Variants in ASPH observed in about 807,000 individuals in gnomAD.
ASPH encodes aspartyl/asparaginyl beta-hydroxylase.
ASPH carries 100 observed loss-of-function variants against 118.4 expected under a neutral mutation model. That is an observed-to-expected ratio of 0.84 (90% CI 0.72 to 1.00). ASPH has a LOEUF of 1.00. ASPH is among the 50% of genes least tolerant of loss of function. The pLI is 0.00. For missense variants in ASPH, 920 were observed against 919.5 expected, an observed-to-expected ratio of 1.00 and a Z score of -0.01; for synonymous variants, 315 against 325.6, an observed-to-expected ratio of 0.97 and a Z score of 0.35.
At chr8:61,661,709 TA>T (rs1045902456) in intron 3 of ASPH, 3 of 332,614 alleles carry the variant, frequency 9.0e-6, no homozygotes, top group Non-Finnish European at 1.6e-5. Flanking sequence ...GGGGAATCTT[TA>T]TTATCCAAGT....
intron 6 of ASPH, among the ~76,000 whole-genome samples, chr8:61,645,951 G>A (rs993094370): frequency 6.6e-6 from 1 of 152,194 alleles, no homozygotes; most frequent in South Asian, 2.1e-4. Context: ...TTGGAAAGCT[G>A]AGGCAGGAGA....
intron 6 of ASPH, 39 bp from the exon 7 acceptor site, chr8:61,644,671 A>G: frequency 6.6e-7 from 1 of 1,515,124 alleles, no homozygotes; most frequent in Non-Finnish European, 9.0e-7. Context: ...TACTGCTTTT[A>G]CAAAATGGTA....
At chr8:61,630,108 C>T (rs1854898590) in intron 13 of ASPH, among the ~76,000 whole-genome samples, 1 of 152,056 alleles carries the variant, frequency 6.6e-6, no homozygotes, top group African/African-American at 2.4e-5. Context: ...GGTGATAATG[C>T]CACTTGGGAT....
intron 24 of ASPH, among the ~76,000 whole-genome samples, chr8:61,506,338 G>C (rs1806546820): frequency 6.6e-6 from 1 of 152,150 alleles, no homozygotes; most frequent in Non-Finnish European, 1.5e-5. Flanking sequence ...GACGGGAATG[G>C]GAGTTATTTA....
At position 61,583,986 on chromosome 8, in the gene ASPH, A is replaced by C; in HGVS notation, c.1020T>G (p.Thr340=). Residue 340 remains threonine, a synonymous_variant, in exon 15 of 25, where the codon ACT becomes ACG. Coordinates refer to ENST00000379454, the MANE Select transcript of ASPH (RefSeq NM_004318.4). ...KPKLLNKFDK[T]IKAELDAAEK... ...CTGCAGCATCAAGTTCAGCTTTAAT[A>C]GTCTTATCAAATTTATTTAAAAGTT... 3 of 1,583,668 alleles carry C rather than the reference A, an allele frequency of 1.9e-6. No homozygotes were observed. Among genetic ancestry groups the C allele is most frequent in the Non-Finnish European group, 2.6e-6 (3 of 1,164,720 alleles).
chr8:61,579,188 C>A, intron 15 of ASPH: 2 of 1,612,768 alleles, frequency 1.2e-6, no homozygotes, highest in Non-Finnish European at 1.7e-6. Flanking sequence ...AGATTGAGGG[C>A]CTCAAAGGCC....
intron 13 of ASPH, among the ~76,000 whole-genome samples, chr8:61,632,218 T>C (rs987522167): frequency 1.3e-5 from 2 of 152,176 alleles, no homozygotes; most frequent in Non-Finnish European, 2.9e-5. Flanking sequence ...CATATTTACA[T>C]TCCAAATAAA....
rs534977236 is a variant in ASPH at position 61,533,286 on chromosome 8, A to T, written c.1765-7174T>A. Among the ~76,000 whole-genome samples, 8 of 151,942 alleles carry T rather than the reference A, an allele frequency of 5.3e-5. No individual in the cohort carries two copies. The East Asian group carries it at 1.5e-3, about 29-fold the overall frequency. The stretch of plus-strand genomic sequence containing the variant: ...TTAAATTCTTATTTCTGCAAATCAC[A>T]CTTTTTAATTTCTGAGAGCCCTTTC... On this transcript the variant is annotated intron_variant, in intron 21 of 24. Coordinates refer to ENST00000379454, the MANE Select transcript of ASPH (RefSeq NM_004318.4).
intron 3 of ASPH, among the ~76,000 whole-genome samples, chr8:61,669,730 G>C (rs1460648898): frequency 6.6e-6 from 1 of 152,050 alleles, no homozygotes; most frequent in African/African-American, 2.4e-5. Context: ...ACTCCTACAT[G>C]TTCTCCCACA....
intron 13 of ASPH, among the ~76,000 whole-genome samples, chr8:61,621,316 C>G (rs1850813867): frequency 9.2e-6 from 1 of 109,030 alleles, no homozygotes. Context: ...ATTACTGCAA[C>G]TTGAGCAAAA....
intron 14 of ASPH, among the ~76,000 whole-genome samples, chr8:61,613,431 G>T (rs1485896231): frequency 6.6e-6 from 1 of 152,150 alleles, no homozygotes; most frequent in Non-Finnish European, 1.5e-5. Context: ...ACACCATCCT[G>T]TTGGTTTTGT....
At chr8:61,661,947 A>T in intron 3 of ASPH, 1 of 449,210 alleles carries the variant, frequency 2.2e-6, no homozygotes, top group East Asian at 3.4e-5. Flanking sequence ...AAATTGAAAG[A>T]CTTGTTTAAA....
In ASPH at chr8:61,618,985, T is replaced by G. The variant is rs768753093; in HGVS notation, c.969A>C (p.Lys323Asn). Reference sequence around the variant, plus strand: ...TTTATTTGACAATCTCACCTTTTGCTTTTTGTTCTGGATCATCTGTTTTTC... The same window carrying G: ...TTTATTTGACAATCTCACCTTTTGCGTTTTGTTCTGGATCATCTGTTTTTC... ...TNRKTDDPEQKAKVKKKKPKL... is the reference protein window; with the variant it reads ...TNRKTDDPEQNAKVKKKKPKL... Residue 323 changes from lysine (K) to asparagine (N), a missense_variant, in exon 14 of 25, where the codon AAA becomes AAC. By Grantham distance (94) the Lys-to-Asn change is moderately conservative. Coordinates refer to ENST00000379454, the MANE Select transcript of ASPH (RefSeq NM_004318.4). 1.2e-6 allele frequency: 2 copies of G among 1,604,862 alleles called. No homozygotes were observed. The highest frequency in any genetic ancestry group is 1.7e-6 in the Non-Finnish European group (2 of 1,172,640).
At chr8:61,669,258 G>C (rs1821210620) in intron 3 of ASPH, among the ~76,000 whole-genome samples, 1 of 152,100 alleles carries the variant, frequency 6.6e-6, no homozygotes, top group Non-Finnish European at 1.5e-5. Context: ...CTATTATATT[G>C]TTCAAACCTC....
At chr8:61,546,638 A>G (rs1451720376) in intron 21 of ASPH, among the ~76,000 whole-genome samples, 4 of 152,200 alleles carry the variant, frequency 2.6e-5, no homozygotes, top group Non-Finnish European at 4.4e-5. Flanking sequence ...ATGGCAGCCT[A>G]TTTTACAATT....
At chr8:61,663,944 T>A in intron 3 of ASPH, 1 of 884,620 alleles carries the variant, frequency 1.1e-6, no homozygotes, top group Non-Finnish European at 1.4e-6. Context: ...TTTAATTAGA[T>A]CAAAAATCTC....
intron 19 of ASPH, among the ~76,000 whole-genome samples, 135 bp downstream of exon 19, chr8:61,555,764 AGGCCCACGCTGCTTATGAATGTCAT>A (rs1225011607): frequency 6.6e-6 from 1 of 152,214 alleles, no homozygotes; most frequent in Non-Finnish European, 1.5e-5. Flanking sequence ...GTTACAGTGG[AGGCCCACGCTGCTTATGAATGTCAT>A]GGTCTGAGGG....
rs16927737 is a variant in ASPH, at chr8:61,681,151, T to C, written c.254-115A>G. 704 of 759,768 alleles carry C rather than the reference T, an allele frequency of 9.3e-4. 8 individuals carry two copies. The African/African-American group carries it at 0.011, about 12-fold the overall frequency. The allele number at this position is 759,768 out of a possible 1,614,324, so 47.1% of individuals were successfully genotyped here. A position where few individuals can be genotyped will look rare whatever the true frequency, so the allele number is the denominator to read the frequency against. The stretch of plus-strand genomic sequence containing the variant: ...TCATAAATGTTACCAATTAATACAA[T>C]TCTTTGCTCTTTTAATCCTGCAAAG... On this transcript the variant is annotated intron_variant, in intron 2 of 24. Transcript: ENST00000379454.
At chr8:61,709,477 C>A (rs1364593157) in intron 1 of ASPH, among the ~76,000 whole-genome samples, 1 of 152,106 alleles carries the variant, frequency 6.6e-6, no homozygotes, top group African/African-American at 2.4e-5. Flanking sequence ...CTCATCACAC[C>A]CACATGTGCA....
Sources: allele counts gnomAD v4.1 joint callset (sites outside exome capture counted in the v4.1 genomes callset), GRCh38; gene constraint gnomAD v4.1.1; transcripts MANE v1.5; gene names NCBI Gene and HGNC (gene_info 2026-07-23, HGNC 2026-07-21).